The following EML6 variants were observed in gnomAD, a reference collection of about 807,000 sequenced individuals.
The protein encoded by EML6 is echinoderm microtubule-associated protein-like 6.
Under a neutral mutation model 240.1 loss-of-function variants are expected in EML6, and 154 were observed. The ratio of observed to expected loss-of-function variants is 0.64; its 90% CI spans 0.56 to 0.73. EML6 has a LOEUF of 0.73. Ranked by LOEUF, EML6 falls within the 30% of genes least tolerant of loss-of-function variation. The pLI is 0.00. For missense variants in EML6, 2,964 were observed against 2,474.6 expected, an observed-to-expected ratio of 1.20 and a Z score of -4.20; for synonymous variants, 1,148 against 899.0, an observed-to-expected ratio of 1.28 and a Z score of -4.95.
At chr2:54,858,191 G>C (rs1303918622) in intron 11 of EML6, among the ~76,000 whole-genome samples, 2 of 152,156 alleles carry the variant, frequency 1.3e-5, no homozygotes, top group Non-Finnish European at 2.9e-5. Context: ...AGTTCCTGCT[G>C]TGTGAGCCTC....
At chr2:54,816,222 A>G (rs1223798894) in intron 3 of EML6, among the ~76,000 whole-genome samples, 3 of 152,202 alleles carry the variant, frequency 2.0e-5, no homozygotes, top group African/African-American at 7.2e-5. Context: ...TACTTTAAGG[A>G]CAGGTTCTGA....
rs957906231 is a variant in EML6 at position 54,789,847 on chromosome 2, G to T, written c.198-23385G>T. Among the ~76,000 whole-genome samples, 42 of 152,342 alleles carry T rather than the reference G, an allele frequency of 2.8e-4. 1 individual carries two copies. The highest frequency in any genetic ancestry group is 6.8e-3 in the Middle Eastern group (2 of 294). The stretch of plus-strand genomic sequence containing the variant: ...CATGCTGCTTTCCTTACCAGGGCTT[G>T]CTTCTACCTAAATAGTAAGTACAGG... On this transcript the variant is annotated intron_variant, in intron 2 of 41. Transcript: ENST00000356458.
At chr2:54,869,443 TC>T in intron 15 of EML6, 76 bp downstream of exon 15, 2 of 1,102,848 alleles carry the variant, frequency 1.8e-6, no homozygotes, top group Non-Finnish European at 2.6e-6. Flanking sequence ...TATTAGAAAT[TC>T]AAGAAATGCT....
chr2:54,751,275 G>T (rs1458208851), intron 2 of EML6, among the ~76,000 whole-genome samples: 1 of 152,130 alleles, frequency 6.6e-6, no homozygotes, highest in Non-Finnish European at 1.5e-5. Context: ...TGGAGGACAG[G>T]GATCACTTCC....
chr2:54,758,632 C>G (rs895169584), intron 2 of EML6, among the ~76,000 whole-genome samples: 2 of 152,102 alleles, frequency 1.3e-5, no homozygotes, highest in Non-Finnish European at 2.9e-5. Context: ...ATTTGTTTGT[C>G]TCTCTCTTCC....
chr2:54,871,409 C>G, intron 15 of EML6, 91 bp from the exon 16 acceptor site: 1 of 961,588 alleles, frequency 1.0e-6, no homozygotes, highest in South Asian at 1.4e-5. Context: ...ATGGGTTTAT[C>G]TTGGTTTCTG....
intron 28 of EML6, among the ~76,000 whole-genome samples, chr2:54,935,737 G>T (rs114446735): frequency 2.0e-5 from 3 of 152,156 alleles, no homozygotes; most frequent in Admixed American, 2.0e-4. Flanking sequence ...AAGGCCAGGC[G>T]TAGTAGCTCA....
chr2:54,897,119 G>C (rs1391613963), intron 21 of EML6, among the ~76,000 whole-genome samples: 1 of 152,078 alleles, frequency 6.6e-6, no homozygotes, highest in Non-Finnish European at 1.5e-5. Context: ...AAATGTTTGA[G>C]AATGTAAATT....
chr2:54,874,980 G>C (rs954591991), intron 16 of EML6, among the ~76,000 whole-genome samples: 11 of 152,080 alleles, frequency 7.2e-5, no homozygotes, highest in African/African-American at 1.7e-4. Context: ...GGCATGCCAG[G>C]AGTTCTCCTA....
At chr2:54,898,617 T>C (rs1351807916) in intron 21 of EML6, among the ~76,000 whole-genome samples, 1 of 152,258 alleles carries the variant, frequency 6.6e-6, no homozygotes, top group African/African-American at 2.4e-5. Flanking sequence ...ACTGTTTTGC[T>C]CAAATAGCTT....
intron 26 of EML6, among the ~76,000 whole-genome samples, chr2:54,927,244 A>C (rs1674598670): frequency 6.6e-6 from 1 of 152,184 alleles, no homozygotes; most frequent in South Asian, 2.1e-4. Flanking sequence ...ATCAGCTAGT[A>C]GTTGGCCAAA....
At chr2:54,931,633 G>A (rs945531749) in intron 28 of EML6, among the ~76,000 whole-genome samples, 7 of 152,148 alleles carry the variant, frequency 4.6e-5, no homozygotes, top group African/African-American at 7.2e-5. Flanking sequence ...CGTGCCTTCC[G>A]TATATACCTG....
chr2:54,957,700 C>T (rs1465213543), intron 32 of EML6, 90 bp from the exon 33 acceptor site: 3 of 1,158,070 alleles, frequency 2.6e-6, no homozygotes, highest in Non-Finnish European at 3.8e-6. Context: ...TGGCTTACGC[C>T]TGCTGGGGTG....
At chr2:54,859,160 T>A (rs543903226) in intron 11 of EML6, among the ~76,000 whole-genome samples, 3 of 152,334 alleles carry the variant, frequency 2.0e-5, no homozygotes, top group African/African-American at 7.2e-5. Context: ...TTTATTTCCA[T>A]AGAATTATTT....
chr2:54,957,673 AAAG>A (rs1676294250), intron 32 of EML6, 114 bp from the exon 33 acceptor site: 6 of 870,972 alleles, frequency 6.9e-6, no homozygotes, highest in Non-Finnish European at 1.1e-5. Flanking sequence ...AGAGTGCTGT[AAAG>A]AAGAACTGAG....
rs1432660361 is a variant in EML6 at position 54,971,956 on chromosome 2, T to G, written c.*1861T>G. The G allele has an allele frequency of 1.3e-5, 2 of 152,246 alleles. No homozygotes were observed. Among genetic ancestry groups the G allele is most frequent in the Non-Finnish European group, 2.9e-5 (2 of 68,044 alleles). The allele number at this position is 152,246 out of a possible 1,614,324, so 9.4% of individuals were successfully genotyped here. On this transcript the variant is annotated 3_prime_UTR_variant, in exon 42 of 42. Coordinates refer to ENST00000356458, the MANE Select transcript of EML6 (RefSeq NM_001039753.4). ...GAGTTAAAACATTGGTGCATGAATT[T>G]ATTTTCAAAGTATAAAACACATCAC...
rs148886836 is a variant in EML6, at chr2:54,822,344, G to C, written c.525+1882G>C. Among the ~76,000 whole-genome samples the C allele has an allele frequency of 2.6e-3, 401 of 152,278 alleles. 3 individuals are homozygous for C. Among genetic ancestry groups the C allele is most frequent in the African/African-American group, 9.2e-3 (382 of 41,562 alleles). ...AGAAATTTGGAAATATTTATCCTTA[G>C]AAATGTCAATTCTCTTTGATCCAGT... is the stretch of plus-strand genomic sequence containing the variant. On this transcript the variant is annotated intron_variant, in intron 5 of 41. Coordinates refer to ENST00000356458, the MANE Select transcript of EML6 (RefSeq NM_001039753.4).
At chr2:54,728,539 C>G (rs1212371795) in intron 2 of EML6, among the ~76,000 whole-genome samples, 1 of 152,200 alleles carries the variant, frequency 6.6e-6, no homozygotes, top group East Asian at 1.9e-4. Context: ...AAATCCCACT[C>G]TGCCATTTAC....
chr2:54,753,662 G>GTTTTT (rs59382484), intron 2 of EML6, among the ~76,000 whole-genome samples: 2 of 133,806 alleles, frequency 1.5e-5, no homozygotes, highest in Admixed American at 7.5e-5. Flanking sequence ...GCAGTCCTGA[G>GTTTTT]TTTTTTTTTT....
Sources: allele counts gnomAD v4.1 joint callset (sites outside exome capture counted in the v4.1 genomes callset), GRCh38; gene constraint gnomAD v4.1.1; transcripts MANE v1.5; gene names NCBI Gene and HGNC (gene_info 2026-07-23, HGNC 2026-07-21).